USP20: variants seen among roughly 807,000 people sequenced by gnomAD.
USP20 encodes ubiquitin carboxyl-terminal hydrolase 20.
In USP20, 80 loss-of-function variants were observed where a neutral mutation model predicts 124.2. The ratio of observed to expected loss-of-function variants is 0.64; its 90% CI spans 0.54 to 0.78. USP20 has a LOEUF of 0.78. Among genes scored for constraint, USP20 ranks in the 30% least tolerant of loss-of-function variants. USP20 has a pLI of 0.00. For missense variants in USP20, 1,043 were observed against 1,244.4 expected (o/e 0.84, Z 2.44); for synonymous variants, 481 against 512.3 (o/e 0.94, Z 0.83).
chr9:129,868,474 G>A, intron 11 of USP20, 25 bp downstream of exon 11: 2 of 1,600,016 alleles, frequency 1.2e-6, no homozygotes, highest in South Asian at 2.2e-5. Context: ...GGGACTGCGG[G>A]AGGAACCTCA....
In USP20 at chr9:129,859,255, A is replaced by ATTTTATTTTATTTTATTTTCTTTTAT; in HGVS notation, c.330+660_330+661insTATTTTATTTTATTTTCTTTTATTTT. Among the ~76,000 whole-genome samples the ATTTTATTTTATTTTATTTTCTTTTAT allele has an allele frequency of 2.9e-5, 2 of 69,392 alleles. 1 individual carries two copies. Among genetic ancestry groups the ATTTTATTTTATTTTATTTTCTTTTAT allele is most frequent in the Non-Finnish European group, 6.4e-5 (2 of 31,024 alleles). 45.5% of individuals were successfully genotyped at this position (69,392 alleles called of 152,430 possible). A position where few individuals can be genotyped will look rare whatever the true frequency, so the allele number is the denominator to read the frequency against. ...CAGCATCTGCATGGCTCTCTCCTCC[A>ATTTTATTTTATTTTATTTTCTTTTAT]TTTATTTTATTTTATTTTATTTTAT... is the stretch of plus-strand genomic sequence containing the variant. On this transcript the variant is annotated intron_variant, in intron 6 of 25. Coordinates refer to ENST00000372429, the MANE Select transcript of USP20 (RefSeq NM_001110303.4).
intron 1 of USP20, chr9:129,836,007 G>C (rs2031804771): frequency 6.6e-6 from 1 of 152,210 alleles, no homozygotes; most frequent in East Asian, 1.9e-4. Context: ...CACGCAAGAG[G>C]GTTTGAGCCG....
chr9:129,857,745 G>C (rs1386800442), intron 4 of USP20, among the ~76,000 whole-genome samples: 1 of 152,214 alleles, frequency 6.6e-6, no homozygotes, highest in Non-Finnish European at 1.5e-5. Flanking sequence ...AGAGGGTCTT[G>C]GTCCCGAGCA....
In USP20 at chr9:129,868,302, C is replaced by G. The variant is rs373800274; in HGVS notation, c.988C>G (p.Arg330Gly). The part of the protein sequence containing the change: ...AISEKERMKD[R>G]KFSWGQQRTN... Reference sequence around the variant, plus strand: ...CTCTGAGAAGGAGCGGATGAAGGACCGCAAGTTCTCCTGGGGCCAGCAGCG... The same window carrying G: ...CTCTGAGAAGGAGCGGATGAAGGACGGCAAGTTCTCCTGGGGCCAGCAGCG... The change falls in exon 11 of 26, where the codon CGC (arginine) becomes GGC (glycine). Residue 330 changes from arginine (R) to glycine (G), a missense_variant. By Grantham distance (125) the Arg-to-Gly change is moderately radical. Coordinates refer to ENST00000372429, the MANE Select transcript of USP20 (RefSeq NM_001110303.4). 124 of 1,613,776 alleles carry G rather than the reference C, an allele frequency of 7.7e-5. No individual in the cohort carries two copies. Among genetic ancestry groups the G allele is most frequent in the Middle Eastern group, 6.6e-4 (4 of 6,084 alleles).
chr9:129,857,006 G>T (rs2033248568), intron 4 of USP20, among the ~76,000 whole-genome samples: 1 of 151,854 alleles, frequency 6.6e-6, no homozygotes, highest in Non-Finnish European at 1.5e-5. Context: ...ATGTTTCCAA[G>T]TATGTATTTT....
chr9:129,864,542 G>T (rs1274350536), intron 9 of USP20, among the ~76,000 whole-genome samples: 1 of 151,656 alleles, frequency 6.6e-6, no homozygotes, highest in East Asian at 1.9e-4. Context: ...TTGGGAGGCC[G>T]AGGCGGGTGG....
Position 129,865,301 on chromosome 9 carries a change from A to G in USP20, c.612-2A>G. The stretch of plus-strand genomic sequence containing the variant: ...GGACTAATGGGTTTGGGCTTCCTAC[A>G]GGCCAAGCTACGTGGTCCCCACCAG... On this transcript the variant is annotated splice_acceptor_variant, in intron 9 of 25. Coordinates refer to ENST00000372429, the MANE Select transcript of USP20 (RefSeq NM_001110303.4). LOFTEE classifies it high-confidence loss of function. 1 of 1,614,136 alleles carries G rather than the reference A, an allele frequency of 6.2e-7. No individual in the cohort carries two copies. The highest frequency in any genetic ancestry group is 1.1e-5 in the South Asian group (1 of 91,090).
Position 129,870,220 on chromosome 9 carries a change from T to C in USP20, c.1566-233T>C, listed in dbSNP as rs1335125974. The C allele has an allele frequency of 5.2e-6, 3 of 579,024 alleles. No homozygotes were observed. The African/African-American group carries it at 5.6e-5, about 11-fold the overall frequency. 35.9% of individuals were successfully genotyped at this position (579,024 alleles called of 1,614,324 possible). On this transcript the variant is annotated intron_variant, in intron 14 of 25. Coordinates refer to ENST00000372429, the MANE Select transcript of USP20 (RefSeq NM_001110303.4). ...CCCCAGGGAGGGGGTAGCATGATCA[T>C]GGCCGCAACACAGATGAAGGAGGCC...
At chr9:129,868,729 G>A in intron 11 of USP20, 133 bp from the exon 12 acceptor site, 1 of 1,426,252 alleles carries the variant, frequency 7.0e-7, no homozygotes, top group Non-Finnish European at 9.3e-7. Flanking sequence ...GGCCAGGAGT[G>A]GGCACATGAC....
intron 9 of USP20, 99 bp from the exon 10 acceptor site, chr9:129,865,204 C>A: frequency 1.5e-6 from 2 of 1,318,078 alleles, no homozygotes; most frequent in African/African-American, 1.4e-5. Context: ...CAGGAAACGC[C>A]ACACTCTGAT....
At chr9:129,877,956 C>A (rs887050068) in intron 22 of USP20, among the ~76,000 whole-genome samples, 27 of 150,824 alleles carry the variant, frequency 1.8e-4, no homozygotes, top group African/African-American at 6.4e-4. Context: ...CCTGTAATCC[C>A]AGCTACTCAA....
chr9:129,875,272 C>T (rs762362611), intron 19 of USP20, 38 bp from the exon 20 acceptor site: 21 of 1,559,414 alleles, frequency 1.3e-5, no homozygotes, highest in Admixed American at 1.8e-5. Context: ...AGGTGGCAGC[C>T]GTCAGGCACA....
At chr9:129,877,617 G>C (rs564411537) in intron 22 of USP20, among the ~76,000 whole-genome samples, 2 of 151,682 alleles carry the variant, frequency 1.3e-5, no homozygotes, top group African/African-American at 4.8e-5. Context: ...AGGATCACTT[G>C]AGCCCAGGAG....
intron 15 of USP20, 53 bp from the exon 16 acceptor site, chr9:129,873,429 C>A: frequency 6.3e-7 from 1 of 1,594,300 alleles, no homozygotes; most frequent in Non-Finnish European, 8.6e-7. Flanking sequence ...CTTTTTTTTG[C>A]TCCCTCATTT....
chr9:129,858,264 G>A, intron 5 of USP20, 152 bp downstream of exon 5: 2 of 1,152,998 alleles, frequency 1.7e-6, no homozygotes, highest in Non-Finnish European at 2.5e-6. Context: ...GAGAATGCAG[G>A]TAAAAACATT....
chr9:129,839,851 C>G lies in USP20; in HGVS notation c.-129+4352C>G, dbSNP rs180767316. ...TGCCTACCTAGGACCACAGGCTGTG[C>G]TGGCTGGTCCCTCCCCTGCCCTTCC... On this transcript the variant is annotated intron_variant, in intron 1 of 25. Transcript: ENST00000372429. The surrounding 1 kb of genome is among the most constrained non-coding windows in gnomAD (Gnocchi z 4.5). 3.3e-4 allele frequency among the ~76,000 whole-genome samples: 50 copies of G among 152,276 alleles called. No individual in the cohort carries two copies. The highest frequency in any genetic ancestry group is 1.1e-3 in the African/African-American group (47 of 41,560).
chr9:129,838,447 TAA>T (rs1162726781), intron 1 of USP20, among the ~76,000 whole-genome samples: 1 of 152,196 alleles, frequency 6.6e-6, no homozygotes, highest in Non-Finnish European at 1.5e-5. Flanking sequence ...CCATTGATTA[TAA>T]AGACTTAGGT....
intron 10 of USP20, 115 bp downstream of exon 10, chr9:129,865,496 C>A: frequency 1.8e-6 from 2 of 1,097,748 alleles, no homozygotes; most frequent in Non-Finnish European, 2.7e-6. Flanking sequence ...GTTGGCAGGT[C>A]TCACGGACCA....
At chr9:129,858,014 C>A in intron 4 of USP20, 36 bp from the exon 5 acceptor site, 1 of 1,594,780 alleles carries the variant, frequency 6.3e-7, no homozygotes, top group Non-Finnish European at 8.6e-7. Flanking sequence ...ATCCTTTTGG[C>A]AAGCTCCAGT....
Sources: gnomAD v4.1 joint callset for allele counts (sites outside exome capture counted in the v4.1 genomes callset) on GRCh38, gnomAD v4.1.1 for gene constraint, Gnocchi (gnomAD v3.1) non-coding constraint, MANE v1.5 for transcripts, NCBI Gene and HGNC (gene_info 2026-07-23, HGNC 2026-07-21) for gene names.